The following EIF4E1B variants were observed in gnomAD, a reference collection of about 807,000 sequenced individuals.
EIF4E1B encodes eukaryotic translation initiation factor 4E type 1B.
Under a neutral mutation model 31.3 loss-of-function variants are expected in EIF4E1B, and 22 were observed. The observed-to-expected ratio is 0.70, with a 90% CI of 0.50 to 1.00. The LOEUF (loss-of-function observed/expected upper bound fraction) is 1.00, where lower values mean the gene tolerates loss of function less well. Among genes scored for constraint, EIF4E1B ranks in the 50% least tolerant of loss-of-function variants. EIF4E1B has a pLI of 0.00. For missense variants in EIF4E1B, 290 were observed against 311.6 expected (o/e 0.93, Z 0.52); for synonymous variants, 126 against 120.2 (o/e 1.05, Z -0.31).
intron 1 of EIF4E1B, among the ~76,000 whole-genome samples, chr5:176,641,198 GCA>G (rs1760569568): frequency 6.6e-6 from 1 of 152,088 alleles, no homozygotes; most frequent in Admixed American, 6.6e-5. Flanking sequence ...GCGTGGTGGT[GCA>G]TGCCTGTAGT....
At chr5:176,641,368 A>G (rs1760574515) in intron 1 of EIF4E1B, among the ~76,000 whole-genome samples, 2 of 152,132 alleles carry the variant, frequency 1.3e-5, no homozygotes, top group African/African-American at 4.8e-5. Flanking sequence ...AAACATCCTC[A>G]AGCCCAAGCC....
At chr5:176,633,233 G>T (rs1268252582) in intron 1 of EIF4E1B, among the ~76,000 whole-genome samples, 2 of 151,118 alleles carry the variant, frequency 1.3e-5, no homozygotes, top group African/African-American at 4.9e-5. Flanking sequence ...TTGTTTGTTT[G>T]TTTGTTTGTT....
At chr5:176,635,834 TGAGACG>T (rs1760483116) in intron 1 of EIF4E1B, among the ~76,000 whole-genome samples, 1 of 152,140 alleles carries the variant, frequency 6.6e-6, no homozygotes, top group African/African-American at 2.4e-5. Context: ...CCTTTTTTTT[TGAGACG>T]GAGTCTAGCT....
In EIF4E1B at chr5:176,645,461, A is replaced by G. The variant is rs1036553652; in HGVS notation, c.559A>G (p.Lys187Glu). The G allele has an allele frequency of 1.3e-6, 2 of 1,517,490 alleles. No individual in the cohort carries two copies. Among genetic ancestry groups the G allele is most frequent in the African/African-American group, 2.8e-5 (2 of 71,700 alleles). The allele number at this position is 1,517,490 out of a possible 1,614,324, so 94.0% of individuals were successfully genotyped here. The change falls in exon 8 of 9, where the codon AAG becomes GAG. Residue 187 changes from lysine to glutamate, a missense_variant. Transcript: ENST00000318682. This position sits in a 1 kb window ranked among gnomAD's most constrained non-coding sequence, Gnocchi z 5.4. ...CGTCAACATCCGCACCAAGGGGGACAAGATCGCTGTGTGGACGAGGGAGGC... is the reference window on the plus strand; with the variant it reads ...CGTCAACATCCGCACCAAGGGGGACGAGATCGCTGTGTGGACGAGGGAGGC... ...AVVNIRTKGD[K>E]IAVWTREAEN...
In EIF4E1B at chr5:176,645,524, G is replaced by A. The variant is rs753833555; in HGVS notation, c.614+8G>A. ...GGGCGTGCTGCACGTTGGGTGAGGA[G>A]GGTCTCTGGCACAGGGTGGGGACTT... On this transcript the variant is annotated splice_region_variant and intron_variant, in intron 8 of 8. Transcript: ENST00000318682. This position sits in a 1 kb window ranked among gnomAD's most constrained non-coding sequence, Gnocchi z 5.4. 6.6e-7 allele frequency: 1 copy of A among 1,511,104 alleles called. No individual in the cohort carries two copies. 93.6% of individuals were successfully genotyped at this position (1,511,104 alleles called of 1,614,324 possible). A position where few individuals can be genotyped will look rare whatever the true frequency, so the allele number is the denominator to read the frequency against.
rs768407279 is a variant in EIF4E1B at position 176,645,255 on chromosome 5, G to GA, written c.474+13dup. On this transcript the variant is annotated intron_variant, in intron 7 of 8. Transcript: ENST00000318682. The surrounding 1 kb of genome is among the most constrained non-coding windows in gnomAD (Gnocchi z 5.4). The stretch of plus-strand genomic sequence containing the variant: ...TGTGGCTGGAGACGGTGAGTTGGAG[G>GA]AGGAGGGTCCTCAGGGGAAGAGACG... 6.2e-7 allele frequency: 1 copy of GA among 1,604,186 alleles called. No individual in the cohort carries two copies. The highest frequency in any genetic ancestry group is 2.3e-5 in the East Asian group (1 of 44,408).
chr5:176,635,992 T>G (rs1395461299), intron 1 of EIF4E1B, among the ~76,000 whole-genome samples: 1 of 152,148 alleles, frequency 6.6e-6, no homozygotes, highest in African/African-American at 2.4e-5. Context: ...AATTTTTGTA[T>G]TTTTAGTAGA....
chr5:176,639,041 T>A (rs978083256), intron 1 of EIF4E1B, among the ~76,000 whole-genome samples: 1 of 152,234 alleles, frequency 6.6e-6, no homozygotes, highest in Non-Finnish European at 1.5e-5. Context: ...CCTCAGGTGA[T>A]CCACTGGCCT....
In EIF4E1B at chr5:176,646,637, T is replaced by C. The variant is rs952132523; in HGVS notation, c.*657T>C. 1 of 152,314 alleles carries C rather than the reference T, an allele frequency of 6.6e-6. No individual in the cohort carries two copies. Among genetic ancestry groups the C allele is most frequent in the African/African-American group, 2.4e-5 (1 of 41,470 alleles). The allele number at this position is 152,314 out of a possible 1,614,324, so 9.4% of individuals were successfully genotyped here. On this transcript the variant is annotated 3_prime_UTR_variant, in exon 9 of 9. Coordinates refer to ENST00000318682, the MANE Select transcript of EIF4E1B (RefSeq NM_001099408.2). ...TGTTCCTGTTTTAAATAAATACTTC[T>C]GAACAAAGTTGGAATTATTTTTAAG...
chr5:176,646,452 G>T lies in EIF4E1B; in HGVS notation c.*472G>T, dbSNP rs1323020123. ...AGGACTGAGAGAGCCTTGCAAGGCC[G>T]CTCCCCTTCTCCCCAGCTGTGACCA... On this transcript the variant is annotated 3_prime_UTR_variant, in exon 9 of 9. Transcript: ENST00000318682. 2 of 155,936 alleles carry T rather than the reference G, an allele frequency of 1.3e-5. No individual in the cohort carries two copies. The highest frequency in any genetic ancestry group is 2.8e-5 in the Non-Finnish European group (2 of 70,190). The allele number at this position is 155,936 out of a possible 1,614,324, so 9.7% of individuals were successfully genotyped here.
chr5:176,637,075 C>G (rs772332595), intron 1 of EIF4E1B, among the ~76,000 whole-genome samples: 39 of 152,344 alleles, frequency 2.6e-4, no homozygotes, highest in Non-Finnish European at 5.1e-4. Flanking sequence ...CTCCCTGCTC[C>G]CTCTGACTTC....
chr5:176,631,870 A>C (rs1042383902), intron 1 of EIF4E1B, among the ~76,000 whole-genome samples: 10 of 152,000 alleles, frequency 6.6e-5, no homozygotes, highest in Non-Finnish European at 1.0e-4. Context: ...AAGGATGTTC[A>C]CTGTAGCATG....
Position 176,643,177 on chromosome 5 carries a change from C to G in EIF4E1B, c.111C>G (p.Asn37Lys). Residue 37 changes from asparagine to lysine, a missense_variant, in exon 4 of 9, where the codon AAC (asparagine) becomes AAG (lysine). By Grantham distance (94) the Asn-to-Lys change is moderately conservative. Coordinates refer to ENST00000318682, the MANE Select transcript of EIF4E1B (RefSeq NM_001099408.2). ...ERTPTGEKSP[N>K]SPRTLLSLRG... Reference sequence around the variant, plus strand: ...CGCCCACAGGAGAAAAGTCTCCAAACTCTCCCAGGACTTTGCTGTCTCTGA... The same window carrying G: ...CGCCCACAGGAGAAAAGTCTCCAAAGTCTCCCAGGACTTTGCTGTCTCTGA... 1 of 1,613,816 alleles carries G rather than the reference C, an allele frequency of 6.2e-7. No homozygotes were observed. Among genetic ancestry groups the G allele is most frequent in the Non-Finnish European group, 8.5e-7 (1 of 1,179,882 alleles).
chr5:176,633,501 G>T (rs1760443408), intron 1 of EIF4E1B, among the ~76,000 whole-genome samples: 1 of 151,984 alleles, frequency 6.6e-6, no homozygotes, highest in African/African-American at 2.4e-5. Context: ...GTTGAGACAG[G>T]GTCTCACTAG....
In EIF4E1B at chr5:176,642,582, G is replaced by A. The variant is rs538098644; in HGVS notation, c.-78-128G>A. On this transcript the variant is annotated intron_variant, in intron 2 of 8. Coordinates refer to ENST00000318682, the MANE Select transcript of EIF4E1B (RefSeq NM_001099408.2). ...TGGGGATGGTGCCAGAAGGCCCCACGGCCATGTCAGTGTCTCTGCTTCTGC... is the reference window on the plus strand; with the variant it reads ...TGGGGATGGTGCCAGAAGGCCCCACAGCCATGTCAGTGTCTCTGCTTCTGC... 77 of 711,636 alleles carry A rather than the reference G, an allele frequency of 1.1e-4. 1 individual carries two copies. Among genetic ancestry groups the A allele is most frequent in the Middle Eastern group, 6.7e-4 (2 of 2,980 alleles). 44.1% of individuals were successfully genotyped at this position (711,636 alleles called of 1,614,324 possible). A position where few individuals can be genotyped will look rare whatever the true frequency, so the allele number is the denominator to read the frequency against.
At position 176,638,865 on chromosome 5, in the gene EIF4E1B, C is replaced by T. The variant is rs572258119; in HGVS notation, c.-201-3178C>T. 2.0e-5 allele frequency among the ~76,000 whole-genome samples: 3 copies of T among 152,286 alleles called. No homozygotes were observed. The highest frequency in any genetic ancestry group is 6.5e-5 in the Admixed American group (1 of 15,300). ...TCTCGGCTCACTGCAACCTCTACCT[C>T]CCCAATTCAAGTGATTCTCCTGCCT... is the stretch of plus-strand genomic sequence containing the variant. On this transcript the variant is annotated intron_variant, in intron 1 of 8. Coordinates refer to ENST00000318682, the MANE Select transcript of EIF4E1B (RefSeq NM_001099408.2). This position sits in a 1 kb window ranked among gnomAD's most constrained non-coding sequence, Gnocchi z 4.3.
intron 1 of EIF4E1B, among the ~76,000 whole-genome samples, chr5:176,637,224 C>T (rs1326785350): frequency 6.6e-6 from 1 of 152,106 alleles, no homozygotes; most frequent in Non-Finnish European, 1.5e-5. Context: ...GGATCACCTG[C>T]GGTCACGAGT....
chr5:176,631,162 A>C (rs1474363363), intron 1 of EIF4E1B, 98 bp downstream of exon 1: 1 of 152,342 alleles, frequency 6.6e-6, no homozygotes, highest in Non-Finnish European at 1.5e-5. Flanking sequence ...GGTGAATTGT[A>C]GCAGAGACTC....
intron 1 of EIF4E1B, among the ~76,000 whole-genome samples, chr5:176,640,363 A>G (rs755846667): frequency 6.6e-6 from 1 of 152,216 alleles, no homozygotes; most frequent in Non-Finnish European, 1.5e-5. Context: ...GGGCTGTCCT[A>G]CTGAGCACTA....
Sources: gnomAD v4.1 joint callset for allele counts (sites outside exome capture counted in the v4.1 genomes callset) on GRCh38, gnomAD v4.1.1 for gene constraint, Gnocchi (gnomAD v3.1) non-coding constraint, MANE v1.5 for transcripts, NCBI Gene and HGNC (gene_info 2026-07-23, HGNC 2026-07-21) for gene names.